The following FOXN3 variants were observed in gnomAD, a reference collection of about 807,000 sequenced individuals.
FOXN3 encodes forkhead box protein N3.
A neutral mutation model predicts 38.4 loss-of-function variants in FOXN3; 7 were observed. The ratio of observed to expected loss-of-function variants is 0.18; its 90% CI spans 0.10 to 0.34. The LOEUF is 0.34. Ranked by LOEUF, FOXN3 falls within the 10% of genes least tolerant of loss-of-function variation. The probability of loss-of-function intolerance (pLI) is 1.00; values close to 1 mark genes in which losing one functional copy is unlikely to be tolerated. For synonymous variants in FOXN3, 230 were observed against 242.2 expected (o/e 0.95, Z 0.47); for missense variants, 456 against 613.4 (o/e 0.74, Z 2.71).
chr14:89,415,847 T>TACACACACACACACACACACACACAC lies in FOXN3; in HGVS notation c.-15+998_-15+1023dup, dbSNP rs5810462. Reference sequence around the variant, plus strand: ...TGGTGACCTCCTTACAACTTTTCTCTACACACACACACACACACACACACA... The same window carrying TACACACACACACACACACACACACAC: ...TGGTGACCTCCTTACAACTTTTCTCTACACACACACACACACACACACACACACACACACACACACACACACACACA... On this transcript the variant is annotated intron_variant, in intron 1 of 5. Coordinates refer to ENST00000557258, the MANE Select transcript of FOXN3 (RefSeq NM_005197.4). 8.9e-3 allele frequency among the ~76,000 whole-genome samples: 1,245 copies of TACACACACACACACACACACACACAC among 140,322 alleles called. 18 individuals carry two copies. The highest frequency in any genetic ancestry group is 0.012 in the Non-Finnish European group (768 of 65,030). The allele number at this position is 140,322 out of a possible 152,430, so 92.1% of individuals were successfully genotyped here. A position where few individuals can be genotyped will look rare whatever the true frequency, so the allele number is the denominator to read the frequency against.
intron 1 of FOXN3, among the ~76,000 whole-genome samples, chr14:89,564,338 A>G (rs1344848144): frequency 6.6e-6 from 1 of 152,248 alleles, no homozygotes; most frequent in African/African-American, 2.4e-5. Context: ...GGTAGAACCC[A>G]GAGAATCTCT....
intron 1 of FOXN3, among the ~76,000 whole-genome samples, chr14:89,445,512 C>T (rs1892474186): frequency 6.6e-6 from 1 of 152,078 alleles, no homozygotes; most frequent in Admixed American, 6.5e-5. Context: ...TTTTCATTTC[C>T]CCAGTTGAAT....
At chr14:89,381,532 CAAAAAA>C (rs71897384) in intron 2 of FOXN3, among the ~76,000 whole-genome samples, 1 of 75,934 alleles carries the variant, frequency 1.3e-5, no homozygotes, top group Non-Finnish European at 2.4e-5. Context: ...CCTCAAAAAG[CAAAAAA>C]AAAAAAAAAA....
chr14:89,425,062 C>CTTTTTTT lies in FOXN3; in HGVS notation c.-14-12579_-14-12573dup, dbSNP rs3994032. The stretch of plus-strand genomic sequence containing the variant: ...GTTGTGTTTTGTTTTGTTTTCTTTT[C>CTTTTTTT]TTTTTTTTTTTTTTTTTTTTGAGAC... On this transcript the variant is annotated intron_variant, in intron 1 of 6. Coordinates refer to the FOXN3 transcript ENST00000345097. 7.8e-3 allele frequency among the ~76,000 whole-genome samples: 813 copies of CTTTTTTT among 104,076 alleles called. 4 individuals carry two copies. Among genetic ancestry groups the CTTTTTTT allele is most frequent in the Non-Finnish European group, 9.1e-3 (505 of 55,606 alleles). The allele number at this position is 104,076 out of a possible 152,430, so 68.3% of individuals were successfully genotyped here.
rs1343586811 is a variant in FOXN3 at position 89,162,727 on chromosome 14, T to TGGCTCCGGAAGCTCCCCTCGC, written c.1073_1093dup (p.Ser364_His365insArgGluGlySerPheArgSer). 1 of 1,614,028 alleles carries TGGCTCCGGAAGCTCCCCTCGC rather than the reference T, an allele frequency of 6.2e-7. No homozygotes were observed. Among genetic ancestry groups the TGGCTCCGGAAGCTCCCCTCGC allele is most frequent in the Admixed American group, 1.7e-5 (1 of 60,018 alleles). On this transcript the variant is annotated inframe_insertion, in exon 6 of 6. Transcript: ENST00000557258. This position sits in a 1 kb window ranked among gnomAD's most constrained non-coding sequence, Gnocchi z 7.2. ...CTCTTCCGTGTCGCTGGGGCTCTCG[T>TGGCTCCGGAAGCTCCCCTCGC]GGCTCCGGAAGCTCCCCTCGCTGCC...
At chr14:89,192,210 G>A (rs1393751303) in intron 4 of FOXN3, among the ~76,000 whole-genome samples, 10 of 145,606 alleles carry the variant, frequency 6.9e-5, no homozygotes, top group African/African-American at 2.5e-4. Context: ...CATTAAATAT[G>A]TATATGAATA....
chr14:89,428,695 T>C (rs1165305773), intron 1 of FOXN3, among the ~76,000 whole-genome samples: 1 of 152,120 alleles, frequency 6.6e-6, no homozygotes, highest in East Asian at 1.9e-4. Context: ...GCTGCCCACG[T>C]TGGTGACGGC....
chr14:89,515,766 T>C (rs1333142627), intron 1 of FOXN3, among the ~76,000 whole-genome samples: 2 of 152,086 alleles, frequency 1.3e-5, no homozygotes, highest in African/African-American at 4.8e-5. Flanking sequence ...TGTATTCAAA[T>C]GTGCACAGTC....
intron 3 of FOXN3, among the ~76,000 whole-genome samples, chr14:89,343,172 A>G (rs184193325): frequency 5.3e-5 from 8 of 152,378 alleles, no homozygotes; most frequent in Admixed American, 3.9e-4. Flanking sequence ...CCAAGCAATG[A>G]ATAAGCTATT....
chr14:89,208,206 G>C (rs1417691644), intron 4 of FOXN3, among the ~76,000 whole-genome samples: 1 of 152,148 alleles, frequency 6.6e-6, no homozygotes, highest in Non-Finnish European at 1.5e-5. Flanking sequence ...CTACATGCTG[G>C]GAAGTACAAA....
rs977514352 is a variant in FOXN3 at position 89,527,741 on chromosome 14, G to A, written c.-15+91287C>T. Among the ~76,000 whole-genome samples the A allele has an allele frequency of 8.1e-5, 12 of 147,426 alleles. 1 individual carries two copies. The highest frequency in any genetic ancestry group is 6.4e-4 in the South Asian group (3 of 4,700). On this transcript the variant is annotated intron_variant, in intron 1 of 6. Coordinates refer to the FOXN3 transcript ENST00000345097. Reference sequence around the variant, plus strand: ...TTTTGATACAGAGTCTGGCTCTGTCGCTCGGGCTGGAGTGCAGTGGTGTGA... The same window carrying A: ...TTTTGATACAGAGTCTGGCTCTGTCACTCGGGCTGGAGTGCAGTGGTGTGA...
At chr14:89,403,198 T>C (rs1380888865) in intron 2 of FOXN3, among the ~76,000 whole-genome samples, 1 of 152,192 alleles carries the variant, frequency 6.6e-6, no homozygotes, top group Non-Finnish European at 1.5e-5. Context: ...CATTTTTTTT[T>C]TTTAATTTTT....
chr14:89,551,778 G>A (rs541875126), intron 1 of FOXN3, among the ~76,000 whole-genome samples: 15 of 152,138 alleles, frequency 9.9e-5, no homozygotes, highest in East Asian at 7.7e-4. Context: ...CACCCCTACC[G>A]TTCCTCTTTC....
intron 3 of FOXN3, among the ~76,000 whole-genome samples, chr14:89,330,620 G>T (rs961282214): frequency 1.3e-5 from 2 of 152,248 alleles, no homozygotes; most frequent in East Asian, 3.8e-4. Flanking sequence ...ACCAACTGAT[G>T]AAAGGGGTGA....
In FOXN3 at chr14:89,426,897, G is replaced by A. The variant is rs202241693; in HGVS notation, c.-14-14407C>T. 3.9e-5 allele frequency among the ~76,000 whole-genome samples: 6 copies of A among 152,132 alleles called. No homozygotes were observed. In the East Asian group the frequency reaches 1.2e-3, roughly 29 times the overall value. On this transcript the variant is annotated intron_variant, in intron 1 of 6. Transcript: ENST00000345097. The stretch of plus-strand genomic sequence containing the variant: ...TCAGGGGCCTAGGACATGAAGGACA[G>A]GACCCGTGGGGTACAAGGGAGACAA...
intron 5 of FOXN3, among the ~76,000 whole-genome samples, chr14:89,169,686 T>G (rs1371085459): frequency 6.6e-6 from 1 of 152,094 alleles, no homozygotes; most frequent in East Asian, 1.9e-4. Flanking sequence ...ATTGATTAAC[T>G]TTAAATACTT....
At chr14:89,467,705 C>G (rs1302533222) in intron 1 of FOXN3, among the ~76,000 whole-genome samples, 1 of 151,170 alleles carries the variant, frequency 6.6e-6, no homozygotes, top group Admixed American at 6.6e-5. Context: ...CAGCAGTCCT[C>G]CCTCCTTAGC....
intron 1 of FOXN3, among the ~76,000 whole-genome samples, chr14:89,605,816 A>C (rs528765979): frequency 6.6e-6 from 1 of 152,274 alleles, no homozygotes; most frequent in South Asian, 2.1e-4. Context: ...TAAAGATACA[A>C]ACAGAAATTA....
At chr14:89,215,111 G>A (rs1236597223) in intron 4 of FOXN3, among the ~76,000 whole-genome samples, 1 of 149,506 alleles carries the variant, frequency 6.7e-6, no homozygotes, top group Non-Finnish European at 1.5e-5. Context: ...GTCAGCAATG[G>A]GCAGGGTCTT....
Sources: gnomAD v4.1 joint callset for allele counts (sites outside exome capture counted in the v4.1 genomes callset) on GRCh38, gnomAD v4.1.1 for gene constraint, Gnocchi (gnomAD v3.1) non-coding constraint, MANE v1.5 for transcripts, NCBI Gene and HGNC (gene_info 2026-07-23, HGNC 2026-07-21) for gene names.